PAPPA: variants seen among roughly 807,000 people sequenced by gnomAD.
PAPPA encodes pappalysin-1.
A neutral mutation model predicts 164.0 loss-of-function variants in PAPPA; 60 were observed. That is an observed-to-expected ratio of 0.37 (90% confidence interval 0.30 to 0.45). PAPPA has a LOEUF of 0.45. PAPPA is among the 20% of genes least tolerant of loss of function. The pLI, the probability that PAPPA is intolerant of heterozygous loss-of-function variation, is 1.00. For missense variants in PAPPA, 1,782 were observed against 2,087.3 expected (o/e 0.85, Z 2.85); for synonymous variants, 875 against 814.1 (o/e 1.07, Z -1.27).
intron 15 of PAPPA, among the ~76,000 whole-genome samples, chr9:116,351,333 A>T (rs1187282076): frequency 6.6e-6 from 1 of 152,252 alleles, no homozygotes; most frequent in Non-Finnish European, 1.5e-5. Flanking sequence ...ATGAAGATGA[A>T]AAGAAGAAGG....
Position 116,228,845 on chromosome 9 carries a change from G to A in PAPPA, c.2233+1293G>A, listed in dbSNP as rs115735141. 7.7e-3 allele frequency among the ~76,000 whole-genome samples: 1,178 copies of A among 152,094 alleles called. 18 individuals are homozygous for A. Among genetic ancestry groups the A allele is most frequent in the African/African-American group, 0.027 (1,133 of 41,462 alleles). ...GTTTTTTAGGAAGTTCTCGAAATCTGCAATTGTAATTTTTCCACCCAAACT... is the reference window on the plus strand; with the variant it reads ...GTTTTTTAGGAAGTTCTCGAAATCTACAATTGTAATTTTTCCACCCAAACT... On this transcript the variant is annotated intron_variant, in intron 6 of 21. Transcript: ENST00000328252.
At chr9:116,254,202 CA>C (rs1844893946) in intron 7 of PAPPA, among the ~76,000 whole-genome samples, 1 of 152,176 alleles carries the variant, frequency 6.6e-6, no homozygotes. Context: ...CCTTGCCATC[CA>C]ATGAGCATCC....
intron 2 of PAPPA, among the ~76,000 whole-genome samples, chr9:116,204,896 G>GAA (rs113703505): frequency 6.9e-6 from 1 of 145,702 alleles, no homozygotes; most frequent in Non-Finnish European, 1.5e-5. Context: ...TGACAAAAGT[G>GAA]AAAAAAAAAA....
intron 9 of PAPPA, among the ~76,000 whole-genome samples, chr9:116,297,582 C>A (rs1297923001): frequency 6.6e-6 from 1 of 152,176 alleles, no homozygotes; most frequent in East Asian, 1.9e-4. Flanking sequence ...TATTGTCCAC[C>A]AATTGTGTTG....
At chr9:116,242,570 T>A (rs542455329) in intron 7 of PAPPA, among the ~76,000 whole-genome samples, 1 of 152,358 alleles carries the variant, frequency 6.6e-6, no homozygotes, top group South Asian at 2.1e-4. Flanking sequence ...GCCATACCCT[T>A]AATGGTGGGC....
At chr9:116,170,229 A>G (rs1364842556) in intron 1 of PAPPA, among the ~76,000 whole-genome samples, 1 of 152,180 alleles carries the variant, frequency 6.6e-6, no homozygotes, top group Non-Finnish European at 1.5e-5. Flanking sequence ...AAATATGAAC[A>G]CTATAGGGGA....
At chr9:116,272,677 TAGGC>T (rs1389150173) in intron 9 of PAPPA, among the ~76,000 whole-genome samples, 1 of 152,224 alleles carries the variant, frequency 6.6e-6, no homozygotes, top group East Asian at 1.9e-4. Context: ...TGGGAGTTTC[TAGGC>T]AGGGCCTTGG....
At chr9:116,268,736 A>T (rs1587979826) in intron 8 of PAPPA, among the ~76,000 whole-genome samples, 1 of 151,796 alleles carries the variant, frequency 6.6e-6, no homozygotes, top group African/African-American at 2.4e-5. Context: ...TAGAATTAGT[A>T]TCTTTCATAA....
chr9:116,205,594 G>T (rs3814958), intron 2 of PAPPA, among the ~76,000 whole-genome samples: 2,184 of 152,186 alleles, frequency 0.014, 67 homozygotes, highest in African/African-American at 0.051. Flanking sequence ...TTGTGGGAAG[G>T]GTTGGACACA....
intron 9 of PAPPA, among the ~76,000 whole-genome samples, chr9:116,299,254 T>C (rs929415219): frequency 3.3e-5 from 5 of 152,212 alleles, no homozygotes; most frequent in Non-Finnish European, 7.3e-5. Context: ...TCTCCCTTGC[T>C]TTCTTTTTAA....
intron 17 of PAPPA, among the ~76,000 whole-genome samples, chr9:116,361,784 T>G (rs1021161572): frequency 5.3e-5 from 8 of 152,156 alleles, no homozygotes; most frequent in African/African-American, 7.2e-5. Context: ...TCTCTTCACT[T>G]CTGCACCCCA....
chr9:116,168,797 G>A (rs959014507), intron 1 of PAPPA, among the ~76,000 whole-genome samples: 2 of 152,140 alleles, frequency 1.3e-5, no homozygotes, highest in East Asian at 1.9e-4. Flanking sequence ...TCAAGCCAAT[G>A]CAACTCCTTA....
intron 10 of PAPPA, among the ~76,000 whole-genome samples, chr9:116,309,400 G>T (rs1178135868): frequency 2.0e-5 from 3 of 152,152 alleles, no homozygotes; most frequent in African/African-American, 7.2e-5. Flanking sequence ...TCTGATGGCT[G>T]CCAAGTCTGA....
rs1474101217 is a variant in PAPPA at position 116,272,548 on chromosome 9, A to C, written c.2953+1132A>C. 1.3e-5 allele frequency among the ~76,000 whole-genome samples: 2 copies of C among 152,140 alleles called. 1 individual carries two copies. Among genetic ancestry groups the C allele is most frequent in the Non-Finnish European group, 2.9e-5 (2 of 68,020 alleles). ...ATGTGTCTCTTATTCAATTCTCAAC[A>C]CGCATTTGTTGAGCACCTACTATCT... On this transcript the variant is annotated intron_variant, in intron 9 of 21. Coordinates refer to ENST00000328252, the MANE Select transcript of PAPPA (RefSeq NM_002581.5).
intron 21 of PAPPA, among the ~76,000 whole-genome samples, chr9:116,386,390 A>G (rs12236532): frequency 0.1 from 15,316 of 152,260 alleles, 841 homozygotes; most frequent in South Asian, 0.17. Context: ...AAAATAAATA[A>G]GAACACAAGA....
intron 6 of PAPPA, among the ~76,000 whole-genome samples, chr9:116,229,949 A>G (rs1844569140): frequency 6.6e-6 from 1 of 152,204 alleles, no homozygotes; most frequent in Admixed American, 6.5e-5. Flanking sequence ...TTGTTTGAAT[A>G]AAATTATTTC....
At chr9:116,327,733 T>G (rs1254911098) in intron 10 of PAPPA, among the ~76,000 whole-genome samples, 1 of 152,206 alleles carries the variant, frequency 6.6e-6, no homozygotes, top group Non-Finnish European at 1.5e-5. Flanking sequence ...GCATGCCATA[T>G]GCCCTCAGTA....
chr9:116,199,200 A>G (rs576027357), intron 2 of PAPPA, among the ~76,000 whole-genome samples: 1 of 152,244 alleles, frequency 6.6e-6, no homozygotes, highest in South Asian at 2.1e-4. Context: ...TCCCATCACG[A>G]TCCAATCCAC....
chr9:116,226,687 T>G (rs1844514657), intron 5 of PAPPA, among the ~76,000 whole-genome samples: 1 of 152,088 alleles, frequency 6.6e-6, no homozygotes, highest in South Asian at 2.1e-4. Flanking sequence ...ATCTGGAAAA[T>G]GAGTAGGATC....
Sources: gnomAD v4.1 joint callset for allele counts (sites outside exome capture counted in the v4.1 genomes callset) on GRCh38, gnomAD v4.1.1 for gene constraint, MANE v1.5 for transcripts, NCBI Gene and HGNC (gene_info 2026-07-23, HGNC 2026-07-21) for gene names.